The following IRAK1BP1 variants were observed in gnomAD, a reference collection of about 807,000 sequenced individuals.
IRAK1BP1 encodes the protein interleukin 1 receptor associated kinase 1 binding protein 1, also known as interleukin-1 receptor-associated kinase 1-binding protein 1.
In IRAK1BP1, 24 loss-of-function variants were observed where a neutral mutation model predicts 28.0. That is an observed-to-expected ratio of 0.86 (90% CI 0.62 to 1.20). The LOEUF (loss-of-function observed/expected upper bound fraction) is 1.20, where lower values mean the gene tolerates loss of function less well. Ranked by LOEUF, IRAK1BP1 falls within the 50% of genes most tolerant of loss-of-function variation. The pLI is 0.00. For synonymous variants in IRAK1BP1, 131 were observed against 116.3 expected, an observed-to-expected ratio of 1.13 and a Z score of -0.81; for missense variants, 336 against 316.7, an observed-to-expected ratio of 1.06 and a Z score of -0.46.
chr6:78,970,208 A>G, the IRAK1BP1 span: 2 of 1,578,882 alleles, frequency 1.3e-6, no homozygotes, highest in Admixed American at 1.7e-5. Flanking sequence ...AACCATCTTT[A>G]CAAAATAAAC....
chr6:78,868,886 A>C (rs1770691845), intron 1 of IRAK1BP1, among the ~76,000 whole-genome samples: 1 of 152,226 alleles, frequency 6.6e-6, no homozygotes, highest in Non-Finnish European at 1.5e-5. Context: ...CCAGGATGAC[A>C]TTGAGTTGGT....
Position 78,867,600 on chromosome 6 carries a change from G to A in IRAK1BP1, c.24G>A (p.Pro8=), listed in dbSNP as rs1050078536. Residue 8 remains proline, a synonymous_variant, in exon 1 of 4, where the codon CCG becomes CCA. Coordinates refer to ENST00000369940, the MANE Select transcript of IRAK1BP1 (RefSeq NM_001010844.4). MSLQKTP[P]TRVFVELVPW... ...CTATGTCTCTGCAAAAGACCCCTCC[G>A]ACCCGAGTGTTCGTGGAACTGGTTC... 3 of 1,614,088 alleles carry A rather than the reference G, an allele frequency of 1.9e-6. No homozygotes were observed. The highest frequency in any genetic ancestry group is 1.1e-5 in the South Asian group (1 of 91,072).
intron 4 of IRAK1BP1, among the ~76,000 whole-genome samples, chr6:78,925,501 A>G (rs1425316558): frequency 6.6e-6 from 1 of 152,168 alleles, no homozygotes; most frequent in Non-Finnish European, 1.5e-5. Flanking sequence ...ATCTCACACC[A>G]GTGGAACAGT....
chr6:78,927,878 G>C (rs1365926030), intron 4 of IRAK1BP1, among the ~76,000 whole-genome samples: 1 of 152,034 alleles, frequency 6.6e-6, no homozygotes, highest in African/African-American at 2.4e-5. Flanking sequence ...TCTATATTCT[G>C]TTCCATTGGT....
chr6:78,947,909 T>A, downstream of IRAK1BP1: 2 of 481,186 alleles, frequency 4.2e-6, no homozygotes, highest in East Asian at 6.7e-5. Context: ...GTTCCCCTTA[T>A]CAAGAGTCCC....
the IRAK1BP1 span, among the ~76,000 whole-genome samples, chr6:78,976,787 A>G: frequency 6.8e-6 from 1 of 146,218 alleles, no homozygotes; most frequent in East Asian, 2.0e-4. Context: ...GCTCACCATC[A>G]CTGCCCATCA....
chr6:78,906,580 C>G (rs1772265823), downstream of IRAK1BP1, among the ~76,000 whole-genome samples: 1 of 152,130 alleles, frequency 6.6e-6, no homozygotes, highest in South Asian at 2.1e-4. Context: ...GTACTAATCT[C>G]AATAAGTACA....
intron 1 of IRAK1BP1, among the ~76,000 whole-genome samples, chr6:78,877,554 C>T (rs1229380886): frequency 6.6e-6 from 1 of 152,186 alleles, no homozygotes; most frequent in African/African-American, 2.4e-5. Context: ...TCTACAGCTC[C>T]CAGCGTGAGC....
At chr6:78,916,917 C>T (rs1227630605) in intron 4 of IRAK1BP1, among the ~76,000 whole-genome samples, 1 of 152,028 alleles carries the variant, frequency 6.6e-6, no homozygotes, top group African/African-American at 2.4e-5. Context: ...GCACTCCAGC[C>T]TGGTCAATAG....
rs2127657343 is a variant in IRAK1BP1 at position 78,902,320 on chromosome 6, GTGATAAGGTCT to G, written c.*3989_*3999del. On this transcript the variant is annotated 3_prime_UTR_variant, in exon 4 of 4. Coordinates refer to ENST00000369940, the MANE Select transcript of IRAK1BP1 (RefSeq NM_001010844.4). The stretch of plus-strand genomic sequence containing the variant: ...ACCAGGCCTGGCTAATTTTTTATTA[GTGATAAGGTCT>G]TGCTATGTTGCCCAGGCTGGTCTCA... The G allele has an allele frequency of 6.6e-6, 1 of 152,522 alleles. No homozygotes were observed. The highest frequency in any genetic ancestry group is 2.1e-4 in the South Asian group (1 of 4,832). The allele number at this position is 152,522 out of a possible 1,614,324, so 9.4% of individuals were successfully genotyped here. A position where few individuals can be genotyped will look rare whatever the true frequency, so the allele number is the denominator to read the frequency against.
the IRAK1BP1 span, chr6:78,969,726 C>A: frequency 1.8e-6 from 1 of 550,548 alleles, no homozygotes; most frequent in Non-Finnish European, 3.1e-6. Context: ...CTACAAATAG[C>A]AAAAAGATTT....
chr6:78,911,545 C>T lies in IRAK1BP1; in HGVS notation c.*67+8435C>T, dbSNP rs143830375. Reference sequence around the variant, plus strand: ...ATCCAGTTTCTCTGGATGATTTACTCGCCTTTAAGTTGAAAACTGATAACA... The same window carrying T: ...ATCCAGTTTCTCTGGATGATTTACTTGCCTTTAAGTTGAAAACTGATAACA... On this transcript the variant is annotated intron_variant and NMD_transcript_variant, in intron 4 of 4. Transcript: ENST00000606868. 2.0e-5 allele frequency among the ~76,000 whole-genome samples: 3 copies of T among 152,236 alleles called. No individual in the cohort carries two copies. The East Asian group carries it at 5.8e-4, about 29-fold the overall frequency.
Position 78,929,719 on chromosome 6 carries a change from T to C in IRAK1BP1, c.*68-15689T>C, listed in dbSNP as rs567882220. On this transcript the variant is annotated intron_variant and NMD_transcript_variant, in intron 4 of 4. Transcript: ENST00000606868. ...ATATTTTTAAAATGGCTTTTTTTCC[T>C]GTATAAGTGTGGAATATAATATAAG... Among the ~76,000 whole-genome samples, 6 of 152,332 alleles carry C rather than the reference T, an allele frequency of 3.9e-5. No individual in the cohort carries two copies. The East Asian group carries it at 9.6e-4, about 24-fold the overall frequency.
At chr6:78,932,012 T>C (rs988227426) in intron 4 of IRAK1BP1, among the ~76,000 whole-genome samples, 1 of 152,246 alleles carries the variant, frequency 6.6e-6, no homozygotes, top group Non-Finnish European at 1.5e-5. Context: ...TTTGTTGTCA[T>C]TTCAACAATG....
chr6:78,921,668 A>C (rs916526777), intron 4 of IRAK1BP1, among the ~76,000 whole-genome samples: 1 of 152,208 alleles, frequency 6.6e-6, no homozygotes, highest in Non-Finnish European at 1.5e-5. Context: ...ACTGGGAGGC[A>C]TCCCCCAGTA....
chr6:78,971,810 G>A, the IRAK1BP1 span, among the ~76,000 whole-genome samples: 4 of 152,288 alleles, frequency 2.6e-5, no homozygotes, highest in East Asian at 1.9e-4. Flanking sequence ...CGAATACTGC[G>A]CTTTTCCAAT....
At chr6:78,961,627 C>T in the IRAK1BP1 span, 5 of 1,546,398 alleles carry the variant, frequency 3.2e-6, no homozygotes, top group African/African-American at 5.5e-5. Context: ...TGCTAAAGAT[C>T]AGTAAATGGG....
intron 1 of IRAK1BP1, among the ~76,000 whole-genome samples, chr6:78,876,187 T>G (rs1413979339): frequency 6.6e-6 from 1 of 152,162 alleles, no homozygotes; most frequent in Non-Finnish European, 1.5e-5. Flanking sequence ...TCATGAGAGC[T>G]GATGCTTTAA....
At chr6:78,963,200 G>A in the IRAK1BP1 span, 1 of 1,608,892 alleles carries the variant, frequency 6.2e-7, no homozygotes, top group African/African-American at 1.3e-5. Flanking sequence ...TTAGTGATCT[G>A]CACTCACCAT....
Sources: gnomAD v4.1 joint callset for allele counts (sites outside exome capture counted in the v4.1 genomes callset) on GRCh38, gnomAD v4.1.1 for gene constraint, MANE v1.5 for transcripts, NCBI Gene and HGNC (gene_info 2026-07-23, HGNC 2026-07-21) for gene names.